The following DLGAP2 variants were observed in gnomAD, a reference collection of about 807,000 sequenced individuals.
DLGAP2 encodes disks large-associated protein 2.
In DLGAP2, 26 loss-of-function variants were observed where a neutral mutation model predicts 100.3. The observed-to-expected ratio is 0.26, with a 90% CI of 0.19 to 0.36. The LOEUF (loss-of-function observed/expected upper bound fraction) is 0.36. DLGAP2 is among the 10% of genes least tolerant of loss of function. The pLI is 1.00. For missense variants in DLGAP2, 1,858 were observed against 1,453.2 expected, an observed-to-expected ratio of 1.28 and a Z score of -4.53; for synonymous variants, 886 against 630.1, an observed-to-expected ratio of 1.41 and a Z score of -6.08.
intron 2 of DLGAP2, among the ~76,000 whole-genome samples, chr8:1,175,286 T>G (rs73532186): frequency 0.072 from 10,912 of 152,014 alleles, 1,140 homozygotes; most frequent in African/African-American, 0.23. Flanking sequence ...AGCCCAATAG[T>G]GCATTTCATG....
intron 1 of DLGAP2, among the ~76,000 whole-genome samples, chr8:896,301 G>C (rs940317480): frequency 1.3e-5 from 2 of 151,988 alleles, no homozygotes; most frequent in African/African-American, 4.8e-5. Context: ...ATGGGATGCA[G>C]GTTTGGAGGA....
At chr8:818,979 C>G (rs1040472570) in intron 1 of DLGAP2, among the ~76,000 whole-genome samples, 1 of 152,096 alleles carries the variant, frequency 6.6e-6, no homozygotes, top group Non-Finnish European at 1.5e-5. Flanking sequence ...GAGGAACTGG[C>G]TCAGATATTT....
chr8:1,485,221 A>T (rs1799206369), intron 3 of DLGAP2, among the ~76,000 whole-genome samples: 1 of 152,224 alleles, frequency 6.6e-6, no homozygotes, highest in African/African-American at 2.4e-5. Flanking sequence ...GATAATTATG[A>T]TACGCTTTTT....
intron 5 of DLGAP2, 35 bp downstream of exon 5, chr8:1,549,718 G>C: frequency 2.0e-6 from 3 of 1,501,066 alleles, no homozygotes; most frequent in Non-Finnish European, 2.7e-6. Context: ...AGGCCGTCTC[G>C]GCACAGCAGG....
At chr8:1,276,114 T>A (rs1321358316) in intron 3 of DLGAP2, among the ~76,000 whole-genome samples, 2 of 144,162 alleles carry the variant, frequency 1.4e-5, no homozygotes, top group Non-Finnish European at 3.0e-5. Context: ...AATATATATA[T>A]AATATATATA....
intron 3 of DLGAP2, among the ~76,000 whole-genome samples, chr8:1,414,763 C>G (rs1035929139): frequency 2.6e-5 from 4 of 152,196 alleles, no homozygotes; most frequent in Admixed American, 2.6e-4. Context: ...AATCCCAACA[C>G]TTTCGGAGGC....
chr8:1,692,586 A>C (rs1365570063), intron 13 of DLGAP2, among the ~76,000 whole-genome samples: 1 of 152,198 alleles, frequency 6.6e-6, no homozygotes, highest in Non-Finnish European at 1.5e-5. Flanking sequence ...CCACCAGAGC[A>C]TCTTAGAAGA....
chr8:1,056,927 C>G (rs17740671), intron 2 of DLGAP2, among the ~76,000 whole-genome samples: 2,146 of 152,232 alleles, frequency 0.014, 27 homozygotes, highest in South Asian at 0.071. Flanking sequence ...TGAATACAAC[C>G]CAAATAGGGA....
chr8:1,334,092 C>G (rs563631780), intron 3 of DLGAP2, among the ~76,000 whole-genome samples: 2 of 152,246 alleles, frequency 1.3e-5, no homozygotes, highest in African/African-American at 4.8e-5. Flanking sequence ...CCAAACAGCT[C>G]ATGCCTGGAC....
At chr8:872,771 C>G (rs1797622795) in intron 1 of DLGAP2, among the ~76,000 whole-genome samples, 1 of 152,130 alleles carries the variant, frequency 6.6e-6, no homozygotes, top group East Asian at 1.9e-4. Context: ...TTTCAGAACA[C>G]TCTCCTCACC....
intron 3 of DLGAP2, among the ~76,000 whole-genome samples, chr8:1,498,305 A>G (rs1799609218): frequency 6.6e-6 from 1 of 152,212 alleles, no homozygotes; most frequent in Non-Finnish European, 1.5e-5. Flanking sequence ...GATCTGGGAA[A>G]AGGAAGGAAA....
chr8:1,051,742 C>T (rs1339708983), intron 2 of DLGAP2, among the ~76,000 whole-genome samples: 2 of 152,082 alleles, frequency 1.3e-5, no homozygotes, highest in African/African-American at 4.8e-5. Flanking sequence ...AGCACAGTGG[C>T]TGTATGAGGC....
intron 3 of DLGAP2, among the ~76,000 whole-genome samples, chr8:1,497,434 T>A (rs1460806388): frequency 1.3e-5 from 2 of 152,192 alleles, no homozygotes; most frequent in Non-Finnish European, 2.9e-5. Flanking sequence ...TGTAGTTGTA[T>A]GACAGCAGCC....
chr8:1,416,571 G>A (rs1330381694), intron 3 of DLGAP2, among the ~76,000 whole-genome samples: 3 of 152,072 alleles, frequency 2.0e-5, no homozygotes, highest in Middle Eastern at 3.2e-3. Flanking sequence ...CTGCCTCCAC[G>A]GCCGCCCCTT....
chr8:1,198,112 G>A (rs6982676), intron 2 of DLGAP2, among the ~76,000 whole-genome samples: 57,867 of 148,648 alleles, frequency 0.39, 11,260 homozygotes, highest in Middle Eastern at 0.58. Flanking sequence ...GTGTGTACGT[G>A]TGTGCGTGTG....
intron 1 of DLGAP2, among the ~76,000 whole-genome samples, chr8:876,250 A>G (rs1213562768): frequency 6.6e-6 from 1 of 152,160 alleles, no homozygotes; most frequent in Non-Finnish European, 1.5e-5. Context: ...GTGGATTTTA[A>G]TATTATCAGG....
At chr8:1,617,793 C>A (rs1246985262) in intron 6 of DLGAP2, among the ~76,000 whole-genome samples, 1 of 152,166 alleles carries the variant, frequency 6.6e-6, no homozygotes, top group Non-Finnish European at 1.5e-5. Context: ...TGCATTACAG[C>A]CAATACGAGC....
intron 3 of DLGAP2, among the ~76,000 whole-genome samples, chr8:1,495,220 G>T (rs1424471534): frequency 6.6e-6 from 1 of 152,148 alleles, no homozygotes; most frequent in Non-Finnish European, 1.5e-5. Context: ...GGCCGTGCTG[G>T]GTCTGAACCT....
chr8:988,372 C>G (rs1199399694), intron 2 of DLGAP2, among the ~76,000 whole-genome samples: 3 of 152,206 alleles, frequency 2.0e-5, no homozygotes, highest in Non-Finnish European at 2.9e-5. Flanking sequence ...ATTCTTTATT[C>G]TTCTCTCCGA....
Sources: allele counts gnomAD v4.1 joint callset (sites outside exome capture counted in the v4.1 genomes callset), GRCh38; gene constraint gnomAD v4.1.1; transcripts MANE v1.5; gene names NCBI Gene and HGNC (gene_info 2026-07-23, HGNC 2026-07-21).